CELF4: variants seen among roughly 807,000 people sequenced by gnomAD.
CELF4 encodes the protein CUGBP Elav-like family member 4.
In CELF4, 18 loss-of-function variants were observed where a neutral mutation model predicts 59.9. The observed-to-expected ratio is 0.30, with a 90% CI of 0.21 to 0.45. CELF4 has a LOEUF of 0.45. Among genes scored for constraint, CELF4 ranks in the 20% least tolerant of loss-of-function variants. The pLI is 1.00. For synonymous variants in CELF4, 261 were observed against 267.1 expected, an observed-to-expected ratio of 0.98 and a Z score of 0.22; for missense variants, 456 against 689.0, an observed-to-expected ratio of 0.66 and a Z score of 3.79.
chr18:37,312,526 C>T (rs192896220), intron 3 of CELF4, among the ~76,000 whole-genome samples: 5 of 152,180 alleles, frequency 3.3e-5, no homozygotes, highest in Admixed American at 6.5e-5. Context: ...TCAGGACATA[C>T]GCTTGGCACT....
intron 2 of CELF4, among the ~76,000 whole-genome samples, chr18:37,389,350 G>A (rs1318800745): frequency 2.0e-5 from 3 of 152,186 alleles, no homozygotes; most frequent in African/African-American, 7.2e-5. Flanking sequence ...AGCACTGCAG[G>A]CCACCGGAAT....
chr18:37,376,390 C>T (rs61367515), intron 2 of CELF4, among the ~76,000 whole-genome samples: 5,762 of 152,264 alleles, frequency 0.038, 332 homozygotes, highest in African/African-American at 0.13. Context: ...TCTCCCTAGC[C>T]GGGACACTGC....
At chr18:37,451,289 C>A (rs1329708896) in intron 2 of CELF4, among the ~76,000 whole-genome samples, 7 of 151,980 alleles carry the variant, frequency 4.6e-5, no homozygotes, top group Admixed American at 4.6e-4. Flanking sequence ...GTGGTGTGGG[C>A]TGTGTGTGTC....
chr18:37,529,004 C>T (rs932151105), intron 1 of CELF4: 4 of 151,966 alleles, frequency 2.6e-5, no homozygotes, highest in Admixed American at 6.6e-5. Context: ...TTTTTTTACC[C>T]CAAATTGCTA....
rs2067254923 is a variant in CELF4 at position 37,253,968 on chromosome 18, G to C, written c.1334-30C>G. The stretch of plus-strand genomic sequence containing the variant: ...CGAGACACGAGGGACGAGGGCCTGG[G>C]TTTCCACGGGGCCGCCCGGGGCGCT... On this transcript the variant is annotated intron_variant, in intron 11 of 12. Coordinates refer to ENST00000420428, the MANE Select transcript of CELF4 (RefSeq NM_020180.4). This position sits in a 1 kb window ranked among gnomAD's most constrained non-coding sequence, Gnocchi z 4.5. 1.3e-6 allele frequency: 2 copies of C among 1,487,672 alleles called. No individual in the cohort carries two copies. The highest frequency in any genetic ancestry group is 1.8e-6 in the Non-Finnish European group (2 of 1,105,664). The allele number at this position is 1,487,672 out of a possible 1,614,324, so 92.2% of individuals were successfully genotyped here.
At chr18:37,345,052 G>A (rs1168021523) in intron 2 of CELF4, among the ~76,000 whole-genome samples, 1 of 152,218 alleles carries the variant, frequency 6.6e-6, no homozygotes, top group African/African-American at 2.4e-5. Flanking sequence ...CTGGGGTGGA[G>A]AATTGGAGAA....
At chr18:37,393,210 A>C (rs1448541528) in intron 2 of CELF4, among the ~76,000 whole-genome samples, 2 of 152,014 alleles carry the variant, frequency 1.3e-5, no homozygotes, top group Non-Finnish European at 2.9e-5. Context: ...CCCTCCTGCT[A>C]CCTCCTGGTC....
At chr18:37,407,565 AT>A (rs1193832021) in intron 2 of CELF4, among the ~76,000 whole-genome samples, 2 of 150,010 alleles carry the variant, frequency 1.3e-5, no homozygotes, top group Non-Finnish European at 3.0e-5. Context: ...ATGTGTATAT[AT>A]ATGTGTGTGT....
intron 1 of CELF4, among the ~76,000 whole-genome samples, chr18:37,545,956 G>T (rs368761987): frequency 1.3e-5 from 2 of 152,100 alleles, no homozygotes; most frequent in African/African-American, 4.8e-5. Flanking sequence ...CTGACTTAGC[G>T]TCCCACCCAA....
At chr18:37,332,484 CCTT>C (rs1041294201) in intron 2 of CELF4, among the ~76,000 whole-genome samples, 2 of 152,160 alleles carry the variant, frequency 1.3e-5, no homozygotes, top group African/African-American at 4.8e-5. Context: ...GCCTGCTCCT[CCTT>C]CTCTCTGCTC....
At chr18:37,506,268 A>G (rs561471743) in intron 1 of CELF4, among the ~76,000 whole-genome samples, 1 of 152,330 alleles carries the variant, frequency 6.6e-6, no homozygotes, top group South Asian at 2.1e-4. Context: ...AGTGGCAAAA[A>G]TAATTTAGGA....
At chr18:37,554,093 C>G (rs1306320945) in intron 1 of CELF4, among the ~76,000 whole-genome samples, 1 of 152,154 alleles carries the variant, frequency 6.6e-6, no homozygotes, top group Non-Finnish European at 1.5e-5. Flanking sequence ...GCACTTTGGG[C>G]GGATGACTGA....
Position 37,273,095 on chromosome 18 carries a change from G to A in CELF4, c.870C>T (p.Ala290=), listed in dbSNP as rs1228877463. The part of the protein sequence containing the change: ...AQGGYLNPMA[A]FAAAQMQQMA... Reference sequence around the variant, plus strand: ...TCTGCTGCATCTGGGCGGCAGCGAAGGCAGCCATGGGGTTCAGGTAGCCGC... The same window carrying A: ...TCTGCTGCATCTGGGCGGCAGCGAAAGCAGCCATGGGGTTCAGGTAGCCGC... Residue 290 remains alanine, a synonymous_variant, in exon 7 of 13, where the codon GCC becomes GCT. Transcript: ENST00000420428. 5 of 1,613,254 alleles carry A rather than the reference G, an allele frequency of 3.1e-6. No individual in the cohort carries two copies. The highest frequency in any genetic ancestry group is 4.2e-6 in the Non-Finnish European group (5 of 1,179,960).
intron 1 of CELF4, among the ~76,000 whole-genome samples, chr18:37,540,498 G>A (rs2099977079): frequency 6.6e-6 from 1 of 152,212 alleles, no homozygotes; most frequent in Non-Finnish European, 1.5e-5. Context: ...AGCCAGCACG[G>A]TCAGGCTGGT....
At position 37,506,793 on chromosome 18, in the gene CELF4, G is replaced by A. The variant is rs76962702; in HGVS notation, c.287-21186C>T. ...CCTGGGAAATGGGGGGAAGCATCGC[G>A]CCTTGCATTTTATGGCTTTTCTAAC... On this transcript the variant is annotated intron_variant, in intron 1 of 12. Coordinates refer to ENST00000420428, the MANE Select transcript of CELF4 (RefSeq NM_020180.4). Among the ~76,000 whole-genome samples, 893 of 152,296 alleles carry A rather than the reference G, an allele frequency of 5.9e-3. 10 individuals are homozygous for A. The highest frequency in any genetic ancestry group is 0.02 in the African/African-American group (851 of 41,568).
chr18:37,451,943 C>A (rs2099765294), intron 2 of CELF4, among the ~76,000 whole-genome samples: 1 of 152,184 alleles, frequency 6.6e-6, no homozygotes. Flanking sequence ...GGCGGGGGAT[C>A]CCAGCACTTT....
intron 2 of CELF4, among the ~76,000 whole-genome samples, chr18:37,478,354 T>C (rs1214966966): frequency 1.3e-5 from 2 of 152,186 alleles, no homozygotes; most frequent in African/African-American, 4.8e-5. Flanking sequence ...CCCTCTTGTT[T>C]GTTTATTTCC....
chr18:37,427,044 G>T (rs1030908544), intron 2 of CELF4, among the ~76,000 whole-genome samples: 7 of 151,964 alleles, frequency 4.6e-5, no homozygotes, highest in African/African-American at 7.2e-5. Flanking sequence ...ACACGGGGGG[G>T]GGGGAAGCTG....
Position 37,501,622 on chromosome 18 carries a change from A to G in CELF4, c.287-16015T>C, listed in dbSNP as rs570095027. Among the ~76,000 whole-genome samples the G allele has an allele frequency of 3.2e-4, 48 of 152,372 alleles. No individual in the cohort carries two copies. The South Asian group carries it at 9.7e-3, about 31-fold the overall frequency. On this transcript the variant is annotated intron_variant, in intron 1 of 12. Coordinates refer to ENST00000420428, the MANE Select transcript of CELF4 (RefSeq NM_020180.4). ...GTGTGTGGCCCAGTAACCAAGCTTC[A>G]GACTGTAGAGGCCTGAGGAAGCCAT...
Sources: allele counts gnomAD v4.1 joint callset (sites outside exome capture counted in the v4.1 genomes callset), GRCh38; gene constraint gnomAD v4.1.1; non-coding constraint Gnocchi (gnomAD v3.1); transcripts MANE v1.5; gene names NCBI Gene and HGNC (gene_info 2026-07-23, HGNC 2026-07-21).